Variants in AOAH observed in about 807,000 individuals in gnomAD.
The protein encoded by AOAH is acyloxyacyl hydrolase (neutrophil).
AOAH carries 64 observed loss-of-function variants against 92.2 expected under a neutral mutation model. That is an observed-to-expected ratio of 0.69 (90% CI 0.57 to 0.86). The LOEUF (loss-of-function observed/expected upper bound fraction) is 0.86. Ranked by LOEUF, AOAH falls within the 40% of genes least tolerant of loss-of-function variation. The probability of loss-of-function intolerance (pLI) is 0.00; values close to 1 mark genes in which losing one functional copy is unlikely to be tolerated. For missense variants in AOAH, 656 were observed against 694.6 expected, an observed-to-expected ratio of 0.94 and a Z score of 0.62; for synonymous variants, 263 against 254.5, an observed-to-expected ratio of 1.03 and a Z score of -0.32.
intron 13 of AOAH, among the ~76,000 whole-genome samples, chr7:36,569,193 C>T (rs763661137): frequency 3.3e-5 from 5 of 152,074 alleles, no homozygotes; most frequent in Admixed American, 2.0e-4. Flanking sequence ...TTTCTGAAAA[C>T]AAAACAACCC....
intron 3 of AOAH, among the ~76,000 whole-genome samples, chr7:36,669,929 G>C (rs1435872446): frequency 6.6e-6 from 1 of 152,206 alleles, no homozygotes; most frequent in East Asian, 1.9e-4. Context: ...GGAATGGAGA[G>C]AGCAATGGCG....
chr7:36,668,899 C>G (rs914771946), intron 3 of AOAH, among the ~76,000 whole-genome samples: 1 of 152,202 alleles, frequency 6.6e-6, no homozygotes, highest in African/African-American at 2.4e-5. Context: ...TAATGTTGAA[C>G]CTATCACATT....
intron 4 of AOAH, among the ~76,000 whole-genome samples, chr7:36,644,291 T>C (rs1794093629): frequency 6.6e-6 from 1 of 151,916 alleles, no homozygotes; most frequent in Non-Finnish European, 1.5e-5. Flanking sequence ...AAGTCCATGA[T>C]TTTTCACTCT....
At chr7:36,658,083 T>C (rs1390072002) in intron 4 of AOAH, among the ~76,000 whole-genome samples, 1 of 152,126 alleles carries the variant, frequency 6.6e-6, no homozygotes, top group Non-Finnish European at 1.5e-5. Flanking sequence ...AACTAACTCT[T>C]CTAGGTACCA....
At chr7:36,552,950 C>T (rs991415585) in intron 13 of AOAH, among the ~76,000 whole-genome samples, 2 of 151,646 alleles carry the variant, frequency 1.3e-5, no homozygotes, top group Non-Finnish European at 2.9e-5. Flanking sequence ...ATATGCACCA[C>T]ATTTTCTTTT....
At chr7:36,584,175 A>G (rs928290967) in intron 12 of AOAH, among the ~76,000 whole-genome samples, 1 of 152,218 alleles carries the variant, frequency 6.6e-6, no homozygotes, top group South Asian at 2.1e-4. Flanking sequence ...TATACCAAAT[A>G]AGCTTGTTTC....
chr7:36,552,586 TCCA>T (rs1285503245), intron 13 of AOAH, among the ~76,000 whole-genome samples: 2 of 152,236 alleles, frequency 1.3e-5, no homozygotes, highest in African/African-American at 2.4e-5. Context: ...CACACTGTCC[TCCA>T]CAATGGTTGA....
chr7:36,720,979 T>C (rs1310476579), intron 1 of AOAH, among the ~76,000 whole-genome samples: 1 of 152,154 alleles, frequency 6.6e-6, no homozygotes, highest in African/African-American at 2.4e-5. Flanking sequence ...TTCTCCTCTC[T>C]TCCACACACT....
At chr7:36,622,496 T>C (rs1792352294) in intron 7 of AOAH, among the ~76,000 whole-genome samples, 1 of 152,236 alleles carries the variant, frequency 6.6e-6, no homozygotes, top group Non-Finnish European at 1.5e-5. Flanking sequence ...TGGGACTTTG[T>C]GACATGTTAC....
chr7:36,645,576 T>C (rs1040433254), intron 4 of AOAH, among the ~76,000 whole-genome samples: 1 of 152,190 alleles, frequency 6.6e-6, no homozygotes, highest in African/African-American at 2.4e-5. Context: ...GTGGCATGTC[T>C]AGCCTTTGAG....
chr7:36,561,376 A>G lies in AOAH; in HGVS notation c.1022-11901T>C, dbSNP rs541637891. 1.4e-4 allele frequency among the ~76,000 whole-genome samples: 21 copies of G among 152,284 alleles called. No homozygotes were observed. The East Asian group carries it at 4.1e-3, about 29-fold the overall frequency. ...AAGAGATTAGTGAAAATCCAACCCC[A>G]ATGCTCGAAAACAGGAAAAGCCAAT... On this transcript the variant is annotated intron_variant, in intron 13 of 20. Coordinates refer to ENST00000617537, the MANE Select transcript of AOAH (RefSeq NM_001637.4).
intron 4 of AOAH, among the ~76,000 whole-genome samples, chr7:36,639,518 G>A (rs1428971668): frequency 2.6e-5 from 4 of 152,108 alleles, no homozygotes; most frequent in Admixed American, 6.5e-5. Context: ...AAATAGTTAC[G>A]ATATTATGTT....
intron 19 of AOAH, among the ~76,000 whole-genome samples, chr7:36,527,327 A>AT (rs1481270380): frequency 1.4e-4 from 21 of 152,312 alleles, no homozygotes; most frequent in Admixed American, 9.8e-4. Flanking sequence ...AAATGAGAAT[A>AT]TTTTTGACAC....
At chr7:36,541,397 A>G (rs886130850) in intron 15 of AOAH, among the ~76,000 whole-genome samples, 3 of 152,264 alleles carry the variant, frequency 2.0e-5, no homozygotes, top group Non-Finnish European at 4.4e-5. Flanking sequence ...AAAGCATGTC[A>G]GACAAAGGTG....
At chr7:36,660,385 T>C (rs1176365140) in intron 3 of AOAH, among the ~76,000 whole-genome samples, 2 of 152,180 alleles carry the variant, frequency 1.3e-5, no homozygotes, top group Non-Finnish European at 2.9e-5. Flanking sequence ...GAATAATCTC[T>C]GCTAACTGCA....
chr7:36,597,467 AAC>A (rs1334834202), intron 11 of AOAH, among the ~76,000 whole-genome samples: 1 of 152,220 alleles, frequency 6.6e-6, no homozygotes, highest in Non-Finnish European at 1.5e-5. Context: ...AGACAAGAAA[AAC>A]AAATAGAATG....
chr7:36,680,624 T>C (rs1424124585), intron 2 of AOAH, among the ~76,000 whole-genome samples: 2 of 152,132 alleles, frequency 1.3e-5, no homozygotes, highest in East Asian at 3.9e-4. Context: ...CCCATACAAC[T>C]GACATAACCA....
At chr7:36,560,030 G>A (rs1307945112) in intron 13 of AOAH, among the ~76,000 whole-genome samples, 1 of 152,074 alleles carries the variant, frequency 6.6e-6, no homozygotes, top group Admixed American at 6.6e-5. Context: ...TTTGTTGATG[G>A]TCAGATGGCT....
Position 36,724,098 on chromosome 7 carries a change from C to T in AOAH, c.51G>A (p.Leu17=). Residue 17 remains leucine (L), a synonymous_variant, in exon 1 of 21, where the codon CTG becomes CTA. Transcript: ENST00000617537. ...ILTVAPLFLL[L]SLQSSASPAN... ...CTGGAGAGGCCGAGGACTGAAGAGA[C>T]AGGAGCAAGAATAGAGGCGCCACCG... 1 of 1,613,760 alleles carries T rather than the reference C, an allele frequency of 6.2e-7. No homozygotes were observed. The highest frequency in any genetic ancestry group is 8.5e-7 in the Non-Finnish European group (1 of 1,179,782).
Sources: allele counts gnomAD v4.1 joint callset (sites outside exome capture counted in the v4.1 genomes callset), GRCh38; gene constraint gnomAD v4.1.1; transcripts MANE v1.5; gene names NCBI Gene and HGNC (gene_info 2026-07-23, HGNC 2026-07-21).